The following COX6B1 variants were observed in gnomAD, a reference collection of about 807,000 sequenced individuals.
COX6B1 encodes the protein COX VIb-1.
Under a neutral mutation model 14.0 loss-of-function variants are expected in COX6B1, and 2 were observed. The ratio of observed to expected loss-of-function variants is 0.14; its 90% CI spans 0.06 to 0.45. The LOEUF is 0.45. Among genes scored for constraint, COX6B1 ranks in the 20% least tolerant of loss-of-function variants. The pLI, the probability that COX6B1 is intolerant of heterozygous loss-of-function variation, is 0.98. For missense variants in COX6B1, 81 were observed against 114.2 expected, an observed-to-expected ratio of 0.71 and a Z score of 1.33; for synonymous variants, 30 against 39.7, an observed-to-expected ratio of 0.76 and a Z score of 0.92.
At chr19:35,651,033 T>G (rs958855650) in intron 1 of COX6B1, among the ~76,000 whole-genome samples, 200 bp from the exon 2 acceptor site, 1 of 151,940 alleles carries the variant, frequency 6.6e-6, no homozygotes, top group African/African-American at 2.4e-5. Flanking sequence ...TGCTGAGGAG[T>G]TGTACCCCAA....
chr19:35,651,207 C>G, intron 1 of COX6B1, 26 bp from the exon 2 acceptor site: 1 of 1,539,352 alleles, frequency 6.5e-7, no homozygotes, highest in Non-Finnish European at 9.0e-7. Flanking sequence ...GGGGCCCCTG[C>G]TGACACCCAC....
Position 35,658,549 on chromosome 19 carries a change from G to A in COX6B1, c.208-45G>A, listed in dbSNP as rs375918620. On this transcript the variant is annotated intron_variant, in intron 3 of 3. Transcript: ENST00000649813. ...AGTGAGGAAGATAAGAAGTCCATCC[G>A]TTCAGTTTCCCCACTGCGGAGGGAA... 3.1e-5 allele frequency: 48 copies of A among 1,567,864 alleles called. 1 individual carries two copies. The South Asian group carries it at 3.3e-4, about 11-fold the overall frequency.
chr19:35,648,828 C>T (rs781575926), intron 1 of COX6B1: 3 of 533,094 alleles, frequency 5.6e-6, no homozygotes, highest in Non-Finnish European at 1.2e-5. Flanking sequence ...TCCAGTCCAT[C>T]CTCCCTTTTG....
At chr19:35,656,346 A>C (rs549848572) in intron 3 of COX6B1, among the ~76,000 whole-genome samples, 3 of 152,208 alleles carry the variant, frequency 2.0e-5, no homozygotes, top group Non-Finnish European at 2.9e-5. Flanking sequence ...GACACAGGAA[A>C]AGTAAGTTGC....
chr19:35,655,755 GTCTCTCTC>G (rs3038413), intron 3 of COX6B1, among the ~76,000 whole-genome samples: 2,959 of 146,060 alleles, frequency 0.02, 25 homozygotes, highest in African/African-American at 0.037. Context: ...CACTGTGCCT[GTCTCTCTC>G]TCTCTCTCTC....
chr19:35,655,622 A>T (rs1185326338), intron 3 of COX6B1, among the ~76,000 whole-genome samples: 1 of 52,846 alleles, frequency 1.9e-5, no homozygotes, highest in East Asian at 6.8e-4. Flanking sequence ...CCCTTTGTTT[A>T]AAAAAAAAAA....
At position 35,654,513 on chromosome 19, in the gene COX6B1, A is replaced by G. The variant is rs1048600477; in HGVS notation, c.107-58A>G. On this transcript the variant is annotated intron_variant, in intron 2 of 3. Coordinates refer to ENST00000649813, the MANE Select transcript of COX6B1 (RefSeq NM_001863.5). ...ACAGATTGAGACCCTACCTCAAAAA[A>G]AAAAAAAAATGTGTTCCAACTCTTG... 7.1e-5 allele frequency: 110 copies of G among 1,551,158 alleles called. 2 individuals are homozygous for G. The highest frequency in any genetic ancestry group is 1.7e-5 in the Admixed American group (1 of 59,810).
At chr19:35,655,317 C>T (rs1003843485) in intron 3 of COX6B1, among the ~76,000 whole-genome samples, 6 of 152,132 alleles carry the variant, frequency 3.9e-5, no homozygotes, top group African/African-American at 1.4e-4. Flanking sequence ...CGTGAACCAC[C>T]GTGCCCGGCC....
chr19:35,651,184 G>A (rs1483858925), intron 1 of COX6B1, 49 bp from the exon 2 acceptor site: 1 of 1,182,068 alleles, frequency 8.5e-7, no homozygotes, highest in Admixed American at 1.7e-5. Context: ...AGTCTGGCTT[G>A]CTCAGGGCCC....
chr19:35,655,013 TC>T (rs1288692127), intron 3 of COX6B1, among the ~76,000 whole-genome samples: 1 of 151,550 alleles, frequency 6.6e-6, no homozygotes, highest in African/African-American at 2.4e-5. Context: ...CATTTTTTTT[TC>T]TTTTTTTTTT....
intron 1 of COX6B1, among the ~76,000 whole-genome samples, chr19:35,650,365 A>G (rs1186492645): frequency 2.6e-5 from 4 of 152,284 alleles, no homozygotes; most frequent in African/African-American, 4.8e-5. Flanking sequence ...GATGCTGTGC[A>G]GGTTTTTTTC....
intron 2 of COX6B1, among the ~76,000 whole-genome samples, chr19:35,652,307 AG>A: frequency 6.6e-6 from 1 of 151,974 alleles, no homozygotes; most frequent in Non-Finnish European, 1.5e-5. Context: ...CTGGGATTAC[AG>A]GCATGAGCCA....
intron 2 of COX6B1, among the ~76,000 whole-genome samples, chr19:35,652,434 G>T (rs926002429): frequency 8.6e-5 from 13 of 151,524 alleles, no homozygotes; most frequent in Admixed American, 2.0e-4. Context: ...TTTTGGTTTT[G>T]GTTTTTGTTT....
intron 2 of COX6B1, 36 bp from the exon 3 acceptor site, chr19:35,654,535 C>T: frequency 6.4e-7 from 1 of 1,571,350 alleles, no homozygotes; most frequent in Non-Finnish European, 8.8e-7. Context: ...TGTTCCAACT[C>T]TTGATCTGGG....
At chr19:35,655,408 G>A (rs944656706) in intron 3 of COX6B1, among the ~76,000 whole-genome samples, 8 of 152,046 alleles carry the variant, frequency 5.3e-5, no homozygotes, top group African/African-American at 9.7e-5. Context: ...TAGTTATCAG[G>A]ATTTATCCAC....
In COX6B1 at chr19:35,651,381, C is replaced by T. The variant is rs776339676; in HGVS notation, c.106+32C>T. The T allele has an allele frequency of 1.4e-5, 22 of 1,541,832 alleles. No homozygotes were observed. The East Asian group carries it at 4.1e-4, about 28-fold the overall frequency. On this transcript the variant is annotated intron_variant, in intron 2 of 3. Coordinates refer to ENST00000649813, the MANE Select transcript of COX6B1 (RefSeq NM_001863.5). ...AGGACCTTTCCCTGGCCACATACCT[C>T]GAGTCACTCACCGCTTGCCTCTTCC...
intron 2 of COX6B1, among the ~76,000 whole-genome samples, chr19:35,651,759 C>A (rs1334373358): frequency 6.6e-6 from 1 of 151,950 alleles, no homozygotes; most frequent in Admixed American, 6.6e-5. Flanking sequence ...GAGAAGAGGT[C>A]TCAGTTTGTT....
rs1237475485 is a variant in COX6B1, at chr19:35,651,238, A to G, written c.-6A>G. 1 of 1,611,164 alleles carries G rather than the reference A, an allele frequency of 6.2e-7. No individual in the cohort carries two copies. The highest frequency in any genetic ancestry group is 1.3e-5 in the African/African-American group (1 of 74,828). On this transcript the variant is annotated 5_prime_UTR_variant, in exon 2 of 4. Transcript: ENST00000649813. ...CCCACTCCTTTCGCCTCCAGGATTC[A>G]GCACCATGGCGGAAGACATGGAGAC...
At chr19:35,657,539 G>A (rs949974836) in intron 3 of COX6B1, among the ~76,000 whole-genome samples, 3 of 151,916 alleles carry the variant, frequency 2.0e-5, no homozygotes, top group Non-Finnish European at 2.9e-5. Context: ...AAATGTGAGC[G>A]TGTATGTATA....
Sources: gnomAD v4.1 joint callset for allele counts (sites outside exome capture counted in the v4.1 genomes callset) on GRCh38, gnomAD v4.1.1 for gene constraint, MANE v1.5 for transcripts, NCBI Gene and HGNC (gene_info 2026-07-23, HGNC 2026-07-21) for gene names.